The following GLIS3 variants were observed in gnomAD, a reference collection of about 807,000 sequenced individuals.
The protein encoded by GLIS3 is GLIS family zinc finger 3.
In GLIS3, 53 loss-of-function variants were observed where a neutral mutation model predicts 78.6. That is an observed-to-expected ratio of 0.67 (90% CI 0.54 to 0.85). The LOEUF is 0.85. Among genes scored for constraint, GLIS3 ranks in the 40% least tolerant of loss-of-function variants. The pLI is 0.00. For missense variants in GLIS3, 1,703 were observed against 1,231.1 expected (o/e 1.38, Z -5.74); for synonymous variants, 684 against 509.9 (o/e 1.34, Z -4.60).
At chr9:4,127,683 G>C (rs1832676212) in intron 2 of GLIS3, among the ~76,000 whole-genome samples, 1 of 151,566 alleles carries the variant, frequency 6.6e-6, no homozygotes, top group South Asian at 2.1e-4. Flanking sequence ...CAGTATATAA[G>C]ACTGAATGAA....
intron 4 of GLIS3, among the ~76,000 whole-genome samples, chr9:3,940,397 T>G (rs751105741): frequency 3.3e-5 from 5 of 152,174 alleles, no homozygotes; most frequent in Non-Finnish European, 7.3e-5. Context: ...AGATGCTTTC[T>G]CATCGAGGTT....
At position 4,024,953 on chromosome 9, in the gene GLIS3, T is replaced by C. The variant is rs1257960149; in HGVS notation, c.1711-87764A>G. ...AGCACTTAAGCACAGTGAGGAGTAA[T>C]AGAACATACTCAAGGCTAGGCACGG... is the stretch of plus-strand genomic sequence containing the variant. On this transcript the variant is annotated intron_variant, in intron 4 of 10. Transcript: ENST00000381971. 2.6e-5 allele frequency among the ~76,000 whole-genome samples: 4 copies of C among 152,110 alleles called. No individual in the cohort carries two copies. In the East Asian group the frequency reaches 5.8e-4, roughly 22 times the overall value.
intron 4 of GLIS3, among the ~76,000 whole-genome samples, chr9:4,068,483 AATG>A (rs1827293857): frequency 6.6e-6 from 1 of 152,224 alleles, no homozygotes; most frequent in African/African-American, 2.4e-5. Flanking sequence ...AAAAAAGGCT[AATG>A]ATGTTTTTTA....
intron 2 of GLIS3, among the ~76,000 whole-genome samples, chr9:4,153,043 C>G (rs1038275633): frequency 6.6e-6 from 1 of 152,110 alleles, no homozygotes; most frequent in Admixed American, 6.6e-5. Flanking sequence ...GGATGCTGAG[C>G]AGCATCTCTA....
At chr9:4,175,341 T>C (rs73396437) in intron 2 of GLIS3, among the ~76,000 whole-genome samples, 64 of 152,314 alleles carry the variant, frequency 4.2e-4, no homozygotes, top group African/African-American at 1.4e-3. Context: ...TTTAGGGAGT[T>C]GGGCACTGGG....
the GLIS3 span, among the ~76,000 whole-genome samples, chr9:4,451,920 T>G: frequency 6.6e-6 from 1 of 150,940 alleles, no homozygotes; most frequent in Non-Finnish European, 1.5e-5. Flanking sequence ...ACTGACATCC[T>G]CAATAAAATA....
intron 7 of GLIS3, chr9:3,898,480 ATTATT>A (rs771183969): frequency 1.9e-5 from 12 of 634,400 alleles, no homozygotes; most frequent in Middle Eastern, 3.2e-4. Context: ...GAGGTAATGC[ATTATT>A]TTATTTTATT....
intron 9 of GLIS3, among the ~76,000 whole-genome samples, chr9:3,847,012 T>C (rs537755458): frequency 6.6e-6 from 1 of 151,994 alleles, no homozygotes; most frequent in South Asian, 2.1e-4. Flanking sequence ...GGCAAAACGG[T>C]GTCTCTACTA....
chr9:4,125,799 C>G lies in GLIS3; in HGVS notation c.531G>C (p.Gln177His), dbSNP rs757956395. Residue 177 changes from glutamine (Q) to histidine (H), a missense_variant, in exon 3 of 11, where the codon CAG becomes CAC. By Grantham distance (24) the Gln-to-His change is conservative. Coordinates refer to ENST00000381971, the MANE Select transcript of GLIS3 (RefSeq NM_001042413.2). ...PASQVSTACNQISPSLQRAMN... is the reference protein window; with the variant it reads ...PASQVSTACNHISPSLQRAMN... The stretch of plus-strand genomic sequence containing the variant: ...TTGCCCTCTGTAAGCTAGGACTGAT[C>G]TGGTTGCATGCTGTAGAGACCTGGC... 6 of 1,614,138 alleles carry G rather than the reference C, an allele frequency of 3.7e-6. No homozygotes were observed. Among genetic ancestry groups the G allele is most frequent in the East Asian group, 2.2e-5 (1 of 44,884 alleles).
the GLIS3 span, among the ~76,000 whole-genome samples, chr9:4,393,430 A>G: frequency 2.6e-5 from 4 of 152,192 alleles, no homozygotes; most frequent in Non-Finnish European, 5.9e-5. Flanking sequence ...TTTAACACTC[A>G]CACAGTATCA....
At chr9:4,343,254 A>T (rs887857071) in intron 2 of GLIS3, among the ~76,000 whole-genome samples, 1 of 152,196 alleles carries the variant, frequency 6.6e-6, no homozygotes, top group Admixed American at 6.5e-5. Flanking sequence ...AGGTGGGAAG[A>T]TTGCTTGAGC....
At chr9:4,224,673 A>T (rs1031622030) in intron 2 of GLIS3, among the ~76,000 whole-genome samples, 6 of 149,114 alleles carry the variant, frequency 4.0e-5, no homozygotes, top group Non-Finnish European at 8.9e-5. Context: ...GTTACATCCC[A>T]CTTTCCCTTC....
chr9:4,408,399 G>C, the GLIS3 span, among the ~76,000 whole-genome samples: 1 of 150,410 alleles, frequency 6.6e-6, no homozygotes, highest in South Asian at 2.1e-4. Flanking sequence ...TGGGGCGGTA[G>C]GGAGGAAGGT....
At chr9:4,361,545 G>C in the GLIS3 span, among the ~76,000 whole-genome samples, 1 of 152,116 alleles carries the variant, frequency 6.6e-6, no homozygotes, top group African/African-American at 2.4e-5. Context: ...GATTTACAAG[G>C]CTGTGGTGTA....
chr9:4,296,371 G>A (rs1816508533), intron 1 of GLIS3, among the ~76,000 whole-genome samples: 1 of 151,080 alleles, frequency 6.6e-6, no homozygotes, highest in South Asian at 2.1e-4. Context: ...CTGCATAAAT[G>A]AAGGCAGGGC....
At position 3,911,626 on chromosome 9, in the gene GLIS3, G is replaced by A. The variant is rs752465735; in HGVS notation, c.1984-12791C>T. ...TCATAAAATATAAGACCCAGACTAC[G>A]TGGAGTTGAATTTTTGTATCCTTAC... On this transcript the variant is annotated intron_variant, in intron 6 of 10. Transcript: ENST00000381971. 6.7e-4 allele frequency among the ~76,000 whole-genome samples: 102 copies of A among 152,272 alleles called. No individual in the cohort carries two copies. The Middle Eastern group carries it at 0.01, about 15-fold the overall frequency.
In GLIS3 at chr9:4,286,392, G is replaced by C. The variant is rs200950499; in HGVS notation, c.34C>G (p.Arg12Gly). The C allele has an allele frequency of 6.2e-7, 1 of 1,614,102 alleles. No individual in the cohort carries two copies. The highest frequency in any genetic ancestry group is 8.5e-7 in the Non-Finnish European group (1 of 1,180,030). ...NGRSCSMSLH[R>G]TSGTPQGPRM... is the part of the protein sequence containing the mutation. ...GGCCCCTGTGGGGTTCCCGATGTCC[G>C]GTGGAGACTCATGCTGCATGATCTT... The change falls in exon 2 of 11, where the codon CGG (arginine) becomes GGG (glycine). Residue 12 changes from arginine to glycine, a missense_variant. Physicochemically the swap from Arg to Gly is moderately radical, Grantham distance 125. Coordinates refer to ENST00000381971, the MANE Select transcript of GLIS3 (RefSeq NM_001042413.2).
chr9:4,187,438 C>CA (rs773343303), intron 2 of GLIS3, among the ~76,000 whole-genome samples: 11 of 152,112 alleles, frequency 7.2e-5, no homozygotes, highest in Non-Finnish European at 1.3e-4. Flanking sequence ...ATGATGCCTC[C>CA]AGCTTTGTTC....
At chr9:3,917,461 C>T (rs953868548) in intron 6 of GLIS3, among the ~76,000 whole-genome samples, 3 of 152,214 alleles carry the variant, frequency 2.0e-5, no homozygotes, top group Non-Finnish European at 4.4e-5. Flanking sequence ...ATACTGCCTA[C>T]ATTCCTTTAA....
Sources: gnomAD v4.1 joint callset for allele counts (sites outside exome capture counted in the v4.1 genomes callset) on GRCh38, gnomAD v4.1.1 for gene constraint, MANE v1.5 for transcripts, NCBI Gene and HGNC (gene_info 2026-07-23, HGNC 2026-07-21) for gene names.